The following GALNTL6 variants were observed in gnomAD, a reference collection of about 807,000 sequenced individuals.
GALNTL6 encodes the protein polypeptide N-acetylgalactosaminyltransferase like 6.
GALNTL6 carries 46 observed loss-of-function variants against 73.7 expected under a neutral mutation model. The observed-to-expected ratio is 0.62, with a 90% CI of 0.49 to 0.80. GALNTL6 has a LOEUF of 0.80. Ranked by LOEUF, GALNTL6 falls within the 30% of genes least tolerant of loss-of-function variation. The pLI is 0.00. For synonymous variants in GALNTL6, 259 were observed against 263.7 expected (o/e 0.98, Z 0.17); for missense variants, 604 against 755.0 (o/e 0.80, Z 2.34).
intron 5 of GALNTL6, among the ~76,000 whole-genome samples, chr4:172,774,959 C>CAATAATAATAATAATAATAAT (rs57591714): frequency 1.1e-4 from 15 of 140,614 alleles, no homozygotes; most frequent in African/African-American, 3.3e-4. Context: ...GGCTCCATCT[C>CAATAATAATAATAATAATAAT]AATAATAATA....
At chr4:172,254,877 A>G (rs1339536246) in intron 3 of GALNTL6, among the ~76,000 whole-genome samples, 2 of 151,656 alleles carry the variant, frequency 1.3e-5, no homozygotes, top group Non-Finnish European at 3.0e-5. Flanking sequence ...AGATGGGATA[A>G]TAGGGTATTT....
chr4:171,865,125 G>A (rs1735936363), intron 2 of GALNTL6, among the ~76,000 whole-genome samples: 1 of 151,218 alleles, frequency 6.6e-6, no homozygotes, highest in Non-Finnish European at 1.5e-5. Flanking sequence ...CAGCCTGGGC[G>A]ACAAAAGTGA....
chr4:172,385,112 T>C (rs145843290), intron 5 of GALNTL6, among the ~76,000 whole-genome samples: 17 of 152,060 alleles, frequency 1.1e-4, no homozygotes, highest in African/African-American at 4.1e-4. Flanking sequence ...TCTTCTGTTA[T>C]TGATTTTTGT....
chr4:172,188,625 C>T (rs1036260203), intron 2 of GALNTL6, among the ~76,000 whole-genome samples: 16 of 152,142 alleles, frequency 1.1e-4, no homozygotes, highest in African/African-American at 3.4e-4. Context: ...ACAGGGTGTG[C>T]TAAGGCAGTG....
In GALNTL6 at chr4:172,294,154, G is replaced by T. The variant is rs142717910; in HGVS notation, c.248-17460G>T. Among the ~76,000 whole-genome samples the T allele has an allele frequency of 6.4e-4, 98 of 151,944 alleles. No individual in the cohort carries two copies. The East Asian group carries it at 0.011, about 17-fold the overall frequency. ...TATTGAAAGAAATCAATCAAAAGGC[G>T]TATATCTCCAAATTTTGTCTTCTCT... On this transcript the variant is annotated intron_variant, in intron 3 of 12. Transcript: ENST00000506823.
intron 2 of GALNTL6, among the ~76,000 whole-genome samples, chr4:171,984,952 A>G (rs1435274645): frequency 2.0e-5 from 3 of 151,944 alleles, no homozygotes; most frequent in African/African-American, 7.3e-5. Context: ...GGAGATTAAG[A>G]CCATCAAAAA....
At chr4:172,045,636 G>A (rs916434260) in intron 2 of GALNTL6, among the ~76,000 whole-genome samples, 4 of 151,892 alleles carry the variant, frequency 2.6e-5, no homozygotes, top group South Asian at 2.1e-4. Context: ...TTTTAGGCAT[G>A]TGAACTGATA....
chr4:172,998,562 G>A (rs1751897879), intron 10 of GALNTL6, among the ~76,000 whole-genome samples: 2 of 151,876 alleles, frequency 1.3e-5, no homozygotes, highest in Non-Finnish European at 2.9e-5. Context: ...TTTTTTCTCA[G>A]TCCTCTTGGC....
chr4:172,479,801 G>A (rs1733377322), intron 5 of GALNTL6, among the ~76,000 whole-genome samples: 1 of 147,986 alleles, frequency 6.8e-6, no homozygotes, highest in African/African-American at 2.4e-5. Flanking sequence ...TTATTAGAGA[G>A]TTAAGTTATG....
intron 5 of GALNTL6, among the ~76,000 whole-genome samples, chr4:172,725,974 T>C (rs539267277): frequency 6.6e-6 from 1 of 152,332 alleles, no homozygotes; most frequent in South Asian, 2.1e-4. Flanking sequence ...TGGAATGTTG[T>C]AGAAGTTTCA....
chr4:172,642,673 G>A (rs1740045520), intron 5 of GALNTL6, among the ~76,000 whole-genome samples: 1 of 151,824 alleles, frequency 6.6e-6, no homozygotes, highest in African/African-American at 2.4e-5. Context: ...TAATAACAAT[G>A]TATTATATAT....
intron 5 of GALNTL6, among the ~76,000 whole-genome samples, chr4:172,654,504 GTAA>G (rs1730879397): frequency 1.3e-5 from 2 of 152,036 alleles, no homozygotes; most frequent in African/African-American, 4.8e-5. Context: ...AAAAATCATT[GTAA>G]TAAAAAATGT....
At chr4:172,670,019 G>A (rs1032742239) in intron 5 of GALNTL6, among the ~76,000 whole-genome samples, 2 of 152,154 alleles carry the variant, frequency 1.3e-5, no homozygotes, top group Non-Finnish European at 2.9e-5. Flanking sequence ...GTATTGCTGC[G>A]TAGCATTCCA....
intron 4 of GALNTL6, among the ~76,000 whole-genome samples, chr4:172,314,610 T>TG (rs1449545501): frequency 2.9e-5 from 4 of 136,424 alleles, no homozygotes; most frequent in African/African-American, 1.1e-4. Context: ...CTTTTTTTTT[T>TG]TTTTTTTTTT....
chr4:172,082,046 T>C (rs1212205690), intron 2 of GALNTL6, among the ~76,000 whole-genome samples: 1 of 151,932 alleles, frequency 6.6e-6, no homozygotes, highest in East Asian at 1.9e-4. Context: ...CCCGCTAATT[T>C]TCGTATTTTT....
intron 5 of GALNTL6, among the ~76,000 whole-genome samples, chr4:172,684,517 TG>T: frequency 1.3e-5 from 2 of 152,138 alleles, no homozygotes; most frequent in South Asian, 4.1e-4. Context: ...AAAAAGTATA[TG>T]ATTAAATGCT....
At chr4:172,682,927 G>A (rs1189972727) in intron 5 of GALNTL6, among the ~76,000 whole-genome samples, 1 of 5,876 alleles carries the variant, frequency 1.7e-4, no homozygotes, top group African/African-American at 2.1e-4. Flanking sequence ...TTATTATATT[G>A]TCTCTGTTGA....
chr4:172,505,711 C>G lies in GALNTL6; in HGVS notation c.553+157022C>G, dbSNP rs1316386360. ...TCCAGAATTAGAGTCCCTATACACA[C>G]TGACTATATTTCAGTATAATTTTAA... On this transcript the variant is annotated intron_variant, in intron 5 of 12. Transcript: ENST00000506823. Among the ~76,000 whole-genome samples, 2 of 53,934 alleles carry G rather than the reference C, an allele frequency of 3.7e-5. 1 individual carries two copies. The highest frequency in any genetic ancestry group is 8.5e-5 in the Non-Finnish European group (2 of 23,564). 35.4% of individuals were successfully genotyped at this position (53,934 alleles called of 152,430 possible). A position where few individuals can be genotyped will look rare whatever the true frequency, so the allele number is the denominator to read the frequency against.
intron 3 of GALNTL6, among the ~76,000 whole-genome samples, chr4:172,238,165 G>A (rs1258613369): frequency 6.6e-6 from 1 of 152,244 alleles, no homozygotes. Flanking sequence ...AATAGAAATA[G>A]CATTGAATCT....
Sources: gnomAD v4.1 joint callset for allele counts (sites outside exome capture counted in the v4.1 genomes callset) on GRCh38, gnomAD v4.1.1 for gene constraint, MANE v1.5 for transcripts, NCBI Gene and HGNC (gene_info 2026-07-23, HGNC 2026-07-21) for gene names.